The following LINC00632 variants were observed in gnomAD, a reference collection of about 807,000 sequenced individuals.
The protein encoded by LINC00632 is long independently transcribed non-coding RNA 632.
At chrX:140,714,371 T>G (rs1488290684) in intron 2 of LINC00632, 1 of 114,475 alleles carries the variant, frequency 8.7e-6, no homozygotes, top group Non-Finnish European at 1.8e-5. Context: ...AGACTCTCCC[T>G]ATAGCTTTCA....
At chrX:140,713,141 C>G (rs1831740310) in intron 2 of LINC00632, among the ~76,000 whole-genome samples, 1 of 109,831 alleles carries the variant, frequency 9.1e-6, no homozygotes, top group Non-Finnish European at 1.9e-5. Flanking sequence ...GTCAGTTTTT[C>G]TGAGCTAAAC....
intron 3 of LINC00632, among the ~76,000 whole-genome samples, chrX:140,771,131 G>A (rs1288270359): frequency 1.8e-5 from 2 of 110,644 alleles, no homozygotes; most frequent in Non-Finnish European, 3.8e-5. Flanking sequence ...CTTAATGTTC[G>A]GAAATACTAC....
chrX:140,759,536 T>G (rs368095029), intron 3 of LINC00632, among the ~76,000 whole-genome samples: 27 of 109,045 alleles, frequency 2.5e-4, no homozygotes, highest in African/African-American at 8.4e-4. Flanking sequence ...AAATTTTTTT[T>G]TTTGTTTACA....
Position 140,767,035 on chromosome X carries a change from C to G in LINC00632, n.192-5043C>G, listed in dbSNP as rs73576525. Among the ~76,000 whole-genome samples the G allele has an allele frequency of 3.5e-3, 386 of 111,642 alleles. 1 individual carries two copies. Among genetic ancestry groups the G allele is most frequent in the African/African-American group, 0.012 (365 of 30,779 alleles). The stretch of plus-strand genomic sequence containing the variant: ...CATCTTTTCTAAAGGTGGAGGCCTT[C>G]TTTTTTATTTAACCAGAAGTTTCTT... On this transcript the variant is annotated intron_variant and non_coding_transcript_variant, in intron 3 of 4. Coordinates refer to ENST00000648200, the Ensembl canonical transcript of LINC00632.
At chrX:140,728,645 CT>C (rs1279901523) in intron 2 of LINC00632, among the ~76,000 whole-genome samples, 2 of 111,827 alleles carry the variant, frequency 1.8e-5, no homozygotes, top group Non-Finnish European at 3.8e-5. Flanking sequence ...GGAAAACTTT[CT>C]AATGAAAGGT....
chrX:140,770,855 T>C (rs1236515860), intron 3 of LINC00632, among the ~76,000 whole-genome samples: 1 of 112,194 alleles, frequency 8.9e-6, no homozygotes, highest in Non-Finnish European at 1.9e-5. Context: ...TATGGATTGG[T>C]AGACGAACAA....
At chrX:140,781,056 T>C (rs1007654134) in exon 5 of LINC00632, among the ~76,000 whole-genome samples, 1 of 111,144 alleles carries the variant, frequency 9.0e-6, no homozygotes, top group African/African-American at 3.3e-5. Context: ...AACCACCCAT[T>C]GTCTATATAT....
intron 3 of LINC00632, among the ~76,000 whole-genome samples, chrX:140,756,565 C>G (rs1337881227): frequency 9.0e-6 from 1 of 111,612 alleles, no homozygotes; most frequent in Non-Finnish European, 1.9e-5. Context: ...GTAGATGCAA[C>G]CAGAGTAAGG....
exon 5 of LINC00632, among the ~76,000 whole-genome samples, chrX:140,780,947 C>G (rs149861788): frequency 9.1e-6 from 1 of 110,152 alleles, no homozygotes; most frequent in Non-Finnish European, 1.9e-5. Flanking sequence ...TTCTACTGTA[C>G]GTATCTAGTA....
At chrX:140,712,408 C>CTTTTTTTTTTTTTTT (rs61359627) in intron 2 of LINC00632, among the ~76,000 whole-genome samples, 1 of 84,466 alleles carries the variant, frequency 1.2e-5, no homozygotes. Context: ...CCTTCAACCT[C>CTTTTTTTTTTTTTTT]TTTTTTTTTT....
At chrX:140,721,393 G>C (rs1372369209) in intron 2 of LINC00632, among the ~76,000 whole-genome samples, 1 of 111,515 alleles carries the variant, frequency 9.0e-6, no homozygotes, top group Admixed American at 9.6e-5. Context: ...CCACGGACTG[G>C]GGGTGAGGTG....
chrX:140,744,632 C>T (rs1410070897), intron 3 of LINC00632, among the ~76,000 whole-genome samples: 2 of 104,476 alleles, frequency 1.9e-5, no homozygotes, highest in Non-Finnish European at 3.9e-5. Flanking sequence ...GGTAGTGGTG[C>T]GATCTTGGCT....
chrX:140,783,483 A>G (rs150178980), exon 5 of LINC00632: 1 of 893,416 alleles, frequency 1.1e-6, no homozygotes, highest in African/African-American at 2.0e-5. Context: ...TCTTCCATCA[A>G]ATACAGATCT....
chrX:140,771,677 A>ATTT (rs762752921), intron 3 of LINC00632, among the ~76,000 whole-genome samples: 24 of 56,269 alleles, frequency 4.3e-4, no homozygotes, highest in Middle Eastern at 9.9e-3. Context: ...ATATATATAT[A>ATTT]TATATATATT....
chrX:140,743,283 A>G (rs1177886634), intron 3 of LINC00632, among the ~76,000 whole-genome samples: 1 of 103,940 alleles, frequency 9.6e-6, no homozygotes. Flanking sequence ...TATATCTGGT[A>G]AAATGTCAGG....
intron 3 of LINC00632, among the ~76,000 whole-genome samples, chrX:140,747,641 G>T (rs1197433057): frequency 9.0e-6 from 1 of 110,770 alleles, no homozygotes; most frequent in Non-Finnish European, 1.9e-5. Flanking sequence ...TACTGGCTTT[G>T]ATTTTTGTTT....
intron 3 of LINC00632, among the ~76,000 whole-genome samples, chrX:140,761,026 C>T (rs1205528056): frequency 8.9e-6 from 1 of 112,450 alleles, no homozygotes; most frequent in Non-Finnish European, 1.9e-5. Context: ...GTGTGACTAT[C>T]TGCAAGTAAC....
chrX:140,740,499 T>C (rs1931208141), intron 3 of LINC00632, among the ~76,000 whole-genome samples: 1 of 111,213 alleles, frequency 9.0e-6, no homozygotes, highest in Non-Finnish European at 1.9e-5. Flanking sequence ...CTGATTCTAA[T>C]GATACTCTTG....
chrX:140,714,850 AC>A (rs1204485855), intron 2 of LINC00632: 4 of 106,102 alleles, frequency 3.8e-5, no homozygotes, highest in South Asian at 4.0e-4. Context: ...AAAAAAAAAA[AC>A]AACCCAGCAA....
Sources: allele counts gnomAD v4.1 joint callset (sites outside exome capture counted in the v4.1 genomes callset), GRCh38; gene constraint gnomAD v4.1.1; transcripts MANE v1.5; gene names NCBI Gene and HGNC (gene_info 2026-07-23, HGNC 2026-07-21).